DLG2: variants seen among roughly 807,000 people sequenced by gnomAD.
DLG2 encodes disks large homolog 2.
Under a neutral mutation model 132.5 loss-of-function variants are expected in DLG2, and 45 were observed. The ratio of observed to expected loss-of-function variants is 0.34; its 90% CI spans 0.27 to 0.44. DLG2 has a LOEUF of 0.44. Ranked by LOEUF, DLG2 falls within the 20% of genes least tolerant of loss-of-function variation. The pLI is 1.00. For missense variants in DLG2, 1,045 were observed against 1,196.9 expected (o/e 0.87, Z 1.87); for synonymous variants, 424 against 419.6 (o/e 1.01, Z -0.13).
intron 18 of DLG2, among the ~76,000 whole-genome samples, chr11:83,778,349 C>T (rs992719138): frequency 1.3e-5 from 2 of 152,092 alleles, no homozygotes; most frequent in East Asian, 1.9e-4. Flanking sequence ...TCTAAGAGGT[C>T]TCCTTGTTGT....
chr11:84,306,622 G>A (rs1054584664), intron 7 of DLG2, among the ~76,000 whole-genome samples: 9 of 152,054 alleles, frequency 5.9e-5, no homozygotes, highest in East Asian at 1.9e-4. Context: ...AACTTTTTTC[G>A]TTAATATTCA....
intron 7 of DLG2, among the ~76,000 whole-genome samples, chr11:84,355,181 G>C (rs1410821743): frequency 6.6e-6 from 1 of 152,060 alleles, no homozygotes; most frequent in Non-Finnish European, 1.5e-5. Flanking sequence ...GTTGCTACTT[G>C]TGCTAGGATT....
At chr11:84,874,494 G>A (rs2086007671) in intron 6 of DLG2, among the ~76,000 whole-genome samples, 1 of 152,132 alleles carries the variant, frequency 6.6e-6, no homozygotes, top group Non-Finnish European at 1.5e-5. Context: ...CATTTTGTGG[G>A]CTATCATTAA....
At chr11:83,857,816 TC>T (rs1217132160) in intron 16 of DLG2, among the ~76,000 whole-genome samples, 1 of 106,298 alleles carries the variant, frequency 9.4e-6, no homozygotes, top group Non-Finnish European at 2.2e-5. Context: ...CATTTTCTGC[TC>T]TTTTTTTTTT....
chr11:83,930,377 G>T lies in DLG2; in HGVS notation c.1447C>A (p.Pro483Thr), dbSNP rs1344304536. The change falls in exon 15 of 28, where the codon CCC (proline) becomes ACC (threonine). Residue 483 changes from proline (P) to threonine (T), a missense_variant. Physicochemically the swap from Pro to Thr is conservative, Grantham distance 38. Around this residue, in one of 4 missense-constraint regions of DLG2, gnomAD observed 261 missense variants for 256.1 expected, o/e 1.02. Coordinates refer to ENST00000376104, the MANE Select transcript of DLG2 (RefSeq NM_001142699.3). ...ECDKSFLLSAPYSHYHLGLLP... is the reference protein window; with the variant it reads ...ECDKSFLLSATYSHYHLGLLP... ...AGGCCTAGGTGGTAGTGGGAATAGG[G>T]AGCTGAGAGGAGGAAGCTTTTGTCA... The T allele has an allele frequency of 6.2e-7, 1 of 1,613,988 alleles. No homozygotes were observed. The highest frequency in any genetic ancestry group is 1.7e-5 in the Admixed American group (1 of 59,994).
At chr11:85,435,877 A>T (rs1352042243) in intron 3 of DLG2, among the ~76,000 whole-genome samples, 4 of 152,204 alleles carry the variant, frequency 2.6e-5, no homozygotes, top group African/African-American at 9.6e-5. Context: ...AAAAAGAACA[A>T]AGCTGGAGGC....
intron 3 of DLG2, among the ~76,000 whole-genome samples, chr11:85,358,082 G>A (rs540194904): frequency 9.2e-4 from 139 of 151,360 alleles, no homozygotes; most frequent in African/African-American, 3.1e-3. Flanking sequence ...ATGGAAAATC[G>A]CCTGAAAAAC....
Position 83,467,808 on chromosome 11 carries a change from T to TATAC in DLG2, c.2620-995_2620-992dup, listed in dbSNP as rs1483116503. ...ATATATATATATATATATATATATA[T>TATAC]ATACACACACACATATAAAATATAT... On this transcript the variant is annotated intron_variant, in intron 25 of 27. Transcript: ENST00000376104. Among the ~76,000 whole-genome samples, 6 of 85,272 alleles carry TATAC rather than the reference T, an allele frequency of 7.0e-5. No homozygotes were observed. The South Asian group carries it at 2.2e-3, about 32-fold the overall frequency. The allele number at this position is 85,272 out of a possible 152,430, so 55.9% of individuals were successfully genotyped here.
At chr11:85,434,249 C>G (rs2091352179) in intron 3 of DLG2, among the ~76,000 whole-genome samples, 1 of 152,044 alleles carries the variant, frequency 6.6e-6, no homozygotes, top group African/African-American at 2.4e-5. Flanking sequence ...ACCCTAACAT[C>G]ACAGTTAAAA....
At chr11:84,111,865 C>G in intron 9 of DLG2, among the ~76,000 whole-genome samples, 1 of 152,188 alleles carries the variant, frequency 6.6e-6, no homozygotes, top group South Asian at 2.1e-4. Flanking sequence ...CCATCATTTA[C>G]CAAGTTTTAT....
At chr11:84,346,900 A>T (rs760142435) in intron 7 of DLG2, among the ~76,000 whole-genome samples, 3 of 152,024 alleles carry the variant, frequency 2.0e-5, no homozygotes, top group Non-Finnish European at 4.4e-5. Flanking sequence ...CTTTATCTGT[A>T]AAGTAAGTAT....
intron 18 of DLG2, among the ~76,000 whole-genome samples, chr11:83,636,967 C>T (rs2153469598): frequency 6.6e-6 from 1 of 152,242 alleles, no homozygotes; most frequent in South Asian, 2.1e-4. Flanking sequence ...GAAAACTAAA[C>T]ATAAACACAA....
intron 19 of DLG2, among the ~76,000 whole-genome samples, chr11:83,548,428 A>C (rs2096292727): frequency 6.6e-6 from 1 of 152,148 alleles, no homozygotes; most frequent in Admixed American, 6.6e-5. Context: ...GGAGGAAGCA[A>C]ATTTGTCACG....
At chr11:84,639,738 A>G (rs186688418) in intron 6 of DLG2, among the ~76,000 whole-genome samples, 5 of 152,080 alleles carry the variant, frequency 3.3e-5, no homozygotes, top group African/African-American at 1.2e-4. Context: ...CTCAATGCCA[A>G]TGCTCCCTCC....
chr11:85,040,419 T>C (rs548206482), intron 6 of DLG2, among the ~76,000 whole-genome samples: 1 of 152,042 alleles, frequency 6.6e-6, no homozygotes, highest in South Asian at 2.1e-4. Context: ...AAGATAAAAC[T>C]AGAATATCTA....
At chr11:84,263,571 G>T (rs1417277397) in intron 7 of DLG2, among the ~76,000 whole-genome samples, 2 of 152,044 alleles carry the variant, frequency 1.3e-5, no homozygotes, top group African/African-American at 4.8e-5. Flanking sequence ...GAGTAAAAAA[G>T]ATTTGAAGTG....
intron 19 of DLG2, among the ~76,000 whole-genome samples, chr11:83,605,007 C>CAGAGAGAGAGAG (rs71066055): frequency 0.013 from 1,752 of 129,868 alleles, 61 homozygotes; most frequent in African/African-American, 0.044. Flanking sequence ...TTTTCAAAGA[C>CAGAGAGAGAGAG]AGAGAGAGAG....
intron 6 of DLG2, among the ~76,000 whole-genome samples, chr11:85,108,378 C>T (rs2152308751): frequency 6.6e-6 from 1 of 152,130 alleles, no homozygotes; most frequent in Admixed American, 6.6e-5. Flanking sequence ...TTATTTATAA[C>T]TTTCTTCAGT....
At chr11:84,239,539 T>C (rs1042878639) in intron 8 of DLG2, among the ~76,000 whole-genome samples, 3 of 152,148 alleles carry the variant, frequency 2.0e-5, no homozygotes, top group Non-Finnish European at 4.4e-5. Context: ...GTACTAAGAA[T>C]TATTAATAAA....
Sources: gnomAD v4.1 joint callset for allele counts (sites outside exome capture counted in the v4.1 genomes callset) on GRCh38, gnomAD v4.1.1 for gene constraint, gnomAD v4.1.1 regional missense constraint, MANE v1.5 for transcripts, NCBI Gene and HGNC (gene_info 2026-07-23, HGNC 2026-07-21) for gene names.